The following ORC4 variants were observed in gnomAD, a reference collection of about 807,000 sequenced individuals.
ORC4 encodes the protein origin recognition complex, subunit 4 homolog.
Under a neutral mutation model 63.9 loss-of-function variants are expected in ORC4, and 55 were observed. The observed-to-expected ratio is 0.86, with a 90% CI of 0.69 to 1.08. The LOEUF (loss-of-function observed/expected upper bound fraction) is 1.08. Among genes scored for constraint, ORC4 ranks in the 50% least tolerant of loss-of-function variants. The pLI, the probability that ORC4 is intolerant of heterozygous loss-of-function variation, is 0.00. For synonymous variants in ORC4, 150 were observed against 168.5 expected (o/e 0.89, Z 0.85); for missense variants, 511 against 504.4 (o/e 1.01, Z -0.13).
chr2:147,963,017 G>A (rs1383896927), intron 4 of ORC4, among the ~76,000 whole-genome samples: 1 of 152,000 alleles, frequency 6.6e-6, no homozygotes, highest in Non-Finnish European at 1.5e-5. Flanking sequence ...CACATACTAG[G>A]CCTGAGAAGT....
chr2:147,941,697 G>C (rs1282457878), intron 10 of ORC4, among the ~76,000 whole-genome samples: 4 of 151,716 alleles, frequency 2.6e-5, no homozygotes, highest in Non-Finnish European at 5.9e-5. Flanking sequence ...AAATGTAATA[G>C]AAAAATGGCA....
chr2:147,983,726 T>C (rs1184558089), intron 1 of ORC4, among the ~76,000 whole-genome samples: 1 of 152,222 alleles, frequency 6.6e-6, no homozygotes, highest in African/African-American at 2.4e-5. Flanking sequence ...AAGAAATCTA[T>C]GTCCAGATGT....
At chr2:147,985,425 T>C (rs945391299) in intron 1 of ORC4, among the ~76,000 whole-genome samples, 1 of 152,188 alleles carries the variant, frequency 6.6e-6, no homozygotes, top group Non-Finnish European at 1.5e-5. Context: ...CTCGATTTCC[T>C]GACCTCGTGA....
chr2:148,020,881 G>A (rs941832987), upstream of ORC4: 1 of 152,118 alleles, frequency 6.6e-6, no homozygotes, highest in Non-Finnish European at 1.5e-5. Flanking sequence ...GGTGTTAAAA[G>A]CGTAGCGACT....
At chr2:147,971,763 A>C (rs1325514719) in intron 4 of ORC4, among the ~76,000 whole-genome samples, 1 of 152,024 alleles carries the variant, frequency 6.6e-6, no homozygotes, top group African/African-American at 2.4e-5. Context: ...GACTAAAACA[A>C]ATTAAACATA....
intron 1 of ORC4, among the ~76,000 whole-genome samples, chr2:147,995,362 G>A (rs1237696699): frequency 1.3e-5 from 2 of 152,216 alleles, no homozygotes; most frequent in African/African-American, 4.8e-5. Flanking sequence ...AGCAGGATGT[G>A]TGTGGGGCCA....
chr2:147,954,162 T>G (rs972124160), intron 7 of ORC4, among the ~76,000 whole-genome samples: 2 of 151,764 alleles, frequency 1.3e-5, no homozygotes, highest in Non-Finnish European at 2.9e-5. Context: ...ACATAAAACT[T>G]TAGATCAGCA....
At chr2:147,994,252 A>T (rs533749429) in intron 1 of ORC4, among the ~76,000 whole-genome samples, 241 of 152,348 alleles carry the variant, frequency 1.6e-3, no homozygotes, top group Middle Eastern at 3.4e-3. Flanking sequence ...GAGTAGAAAA[A>T]AATTCGTATT....
chr2:148,005,656 C>CAAAAAAAAAAAAAAAA (rs55869341), intron 1 of ORC4, among the ~76,000 whole-genome samples: 1 of 51,488 alleles, frequency 1.9e-5, no homozygotes, highest in East Asian at 7.5e-4. Flanking sequence ...ACTATCCATG[C>CAAAAAAAAAAAAAAAA]AAAAAAAAAA....
chr2:147,973,008 A>T (rs913561656), intron 3 of ORC4, among the ~76,000 whole-genome samples, 179 bp from the exon 4 acceptor site: 2 of 152,176 alleles, frequency 1.3e-5, no homozygotes, highest in African/African-American at 2.4e-5. Context: ...ATAGTAGGGC[A>T]GTATTGATTC....
intron 13 of ORC4, chr2:147,936,372 A>G (rs1046085519): frequency 2.0e-5 from 3 of 152,242 alleles, no homozygotes; most frequent in African/African-American, 4.8e-5. Flanking sequence ...TTCACCTATT[A>G]TATCTTTTCT....
chr2:148,000,678 C>T (rs1415147197), intron 1 of ORC4, among the ~76,000 whole-genome samples: 1 of 152,022 alleles, frequency 6.6e-6, no homozygotes, highest in Non-Finnish European at 1.5e-5. Flanking sequence ...AAAACTGCAG[C>T]ACATAAGAAT....
intron 1 of ORC4, among the ~76,000 whole-genome samples, chr2:148,011,518 A>G (rs1216651776): frequency 6.6e-6 from 1 of 152,232 alleles, no homozygotes; most frequent in East Asian, 1.9e-4. Flanking sequence ...TTAGTATCAG[A>G]CTGAATGGGG....
chr2:147,951,324 A>G lies in ORC4; in HGVS notation c.588+1049T>C, dbSNP rs17231931. The G allele has an allele frequency of 3.7e-3, 557 of 152,310 alleles. 3 individuals are homozygous for G. The highest frequency in any genetic ancestry group is 6.0e-3 in the Non-Finnish European group (411 of 68,074). The allele number at this position is 152,310 out of a possible 1,614,324, so 9.4% of individuals were successfully genotyped here. ...CAGTCATAGCATGAGAAAAGAGACA[A>G]CTTTGCTATGGTTTGGATATGGTTT... On this transcript the variant is annotated intron_variant, in intron 8 of 13. Coordinates refer to ENST00000392857, the MANE Select transcript of ORC4 (RefSeq NM_181741.4).
At chr2:147,998,161 T>C (rs1390180161) in intron 1 of ORC4, among the ~76,000 whole-genome samples, 1 of 152,212 alleles carries the variant, frequency 6.6e-6, no homozygotes, top group Non-Finnish European at 1.5e-5. Flanking sequence ...GTATTAGATA[T>C]TTTTGTAAAC....
chr2:147,982,847 G>A (rs986696469), intron 1 of ORC4, among the ~76,000 whole-genome samples: 3 of 151,964 alleles, frequency 2.0e-5, no homozygotes, highest in Non-Finnish European at 4.4e-5. Context: ...CCACATATCT[G>A]ACAAAAGATC....
intron 4 of ORC4, among the ~76,000 whole-genome samples, chr2:147,966,352 G>C (rs1344139591): frequency 6.6e-6 from 1 of 151,808 alleles, no homozygotes; most frequent in African/African-American, 2.4e-5. Flanking sequence ...GTATTCCAAA[G>C]AGCTAGAAAA....
intron 11 of ORC4, 139 bp downstream of exon 11, chr2:147,939,001 G>C: frequency 3.1e-6 from 2 of 636,048 alleles, no homozygotes; most frequent in Admixed American, 4.8e-5. Context: ...CCTTTAAAAG[G>C]ACTAAGTTAA....
intron 4 of ORC4, among the ~76,000 whole-genome samples, chr2:147,964,113 A>G (rs1468906089): frequency 6.6e-6 from 1 of 152,252 alleles, no homozygotes; most frequent in Non-Finnish European, 1.5e-5. Context: ...GTAACAGACA[A>G]GAATCATAAA....
Sources: allele counts gnomAD v4.1 joint callset (sites outside exome capture counted in the v4.1 genomes callset), GRCh38; gene constraint gnomAD v4.1.1; transcripts MANE v1.5; gene names NCBI Gene and HGNC (gene_info 2026-07-23, HGNC 2026-07-21).